Variants in LPP observed in about 807,000 individuals in gnomAD.
LPP encodes LIM domain containing preferred translocation partner in lipoma.
In LPP, 38 loss-of-function variants were observed where a neutral mutation model predicts 60.4. That is an observed-to-expected ratio of 0.63 (90% CI 0.49 to 0.83). The LOEUF is 0.83. Among genes scored for constraint, LPP ranks in the 40% least tolerant of loss-of-function variants. The probability of loss-of-function intolerance (pLI) is 0.00; values close to 1 mark genes in which losing one functional copy is unlikely to be tolerated. For missense variants in LPP, 902 were observed against 783.6 expected (o/e 1.15, Z -1.80); for synonymous variants, 328 against 290.8 (o/e 1.13, Z -1.30).
intron 6 of LPP, among the ~76,000 whole-genome samples, chr3:188,573,534 G>A (rs1049471809): frequency 9.2e-5 from 14 of 152,052 alleles, no homozygotes; most frequent in Non-Finnish European, 1.3e-4. Context: ...CCAGCGTTTC[G>A]GTAGATACTT....
intron 6 of LPP, among the ~76,000 whole-genome samples, chr3:188,558,500 C>T (rs2150625059): frequency 1.3e-5 from 2 of 151,880 alleles, no homozygotes; most frequent in South Asian, 2.1e-4. Context: ...GATTCAACTT[C>T]CTTGACAAGG....
At chr3:188,426,686 G>C (rs1789446994) in intron 4 of LPP, among the ~76,000 whole-genome samples, 1 of 152,036 alleles carries the variant, frequency 6.6e-6, no homozygotes, top group African/African-American at 2.4e-5. Context: ...TTGTTGCGTT[G>C]CTCCCTTTAC....
chr3:188,344,267 C>T (rs770974159), intron 3 of LPP, among the ~76,000 whole-genome samples: 5 of 152,154 alleles, frequency 3.3e-5, no homozygotes, highest in Admixed American at 6.5e-5. Context: ...TGGAAACAGT[C>T]CTAGTCTGCT....
chr3:188,261,607 A>G lies in LPP; in HGVS notation c.-67+36080A>G, dbSNP rs557039594. Reference sequence around the variant, plus strand: ...ATCATATATAGCTTCATGATGAAAAAAGGAAAAACAATTCTTGGGACCGGA... The same window carrying G: ...ATCATATATAGCTTCATGATGAAAAGAGGAAAAACAATTCTTGGGACCGGA... On this transcript the variant is annotated intron_variant, in intron 2 of 11. Coordinates refer to ENST00000617246, the MANE Select transcript of LPP (RefSeq NM_001375462.1). Among the ~76,000 whole-genome samples, 178 of 152,324 alleles carry G rather than the reference A, an allele frequency of 1.2e-3. 1 individual carries two copies. The highest frequency in any genetic ancestry group is 4.1e-3 in the African/African-American group (169 of 41,570).
At chr3:188,701,944 C>CTTTTTTTTTTTTTTTTTTTTTT (rs35803152) in intron 7 of LPP, among the ~76,000 whole-genome samples, 9 of 83,582 alleles carry the variant, frequency 1.1e-4, no homozygotes, top group East Asian at 4.1e-4. Flanking sequence ...GTTTTTTTCC[C>CTTTTTTTTTTTTTTTTTTTTTT]TTTTTTTTTT....
intron 1 of LPP, among the ~76,000 whole-genome samples, chr3:188,203,536 TAA>T (rs1353303214): frequency 4.1e-5 from 4 of 97,308 alleles, no homozygotes; most frequent in East Asian, 2.7e-4. Flanking sequence ...AATATATATT[TAA>T]ATATATATAT....
chr3:188,397,482 T>G (rs1015709733), intron 3 of LPP, among the ~76,000 whole-genome samples: 2 of 152,208 alleles, frequency 1.3e-5, no homozygotes, highest in Admixed American at 1.3e-4. Flanking sequence ...GTCCTTAACC[T>G]TCTCTCCTGA....
At chr3:188,424,672 C>T (rs1360176411) in intron 4 of LPP, among the ~76,000 whole-genome samples, 4 of 152,054 alleles carry the variant, frequency 2.6e-5, no homozygotes, top group Non-Finnish European at 4.4e-5. Flanking sequence ...ATTCACATCC[C>T]TTGTAAGTCG....
intron 9 of LPP, among the ~76,000 whole-genome samples, chr3:188,791,619 A>G (rs1272307074): frequency 2.0e-5 from 3 of 151,516 alleles, no homozygotes; most frequent in African/African-American, 4.9e-5. Context: ...TTGCACCATG[A>G]TTAGTCTATC....
intron 2 of LPP, among the ~76,000 whole-genome samples, chr3:188,264,730 C>T (rs546577865): frequency 3.9e-5 from 6 of 152,292 alleles, no homozygotes; most frequent in Admixed American, 1.3e-4. Flanking sequence ...TTGTCCTGGT[C>T]ACTTCCCCAC....
chr3:188,511,815 A>G (rs942881240), intron 5 of LPP, among the ~76,000 whole-genome samples: 4 of 152,220 alleles, frequency 2.6e-5, no homozygotes, highest in African/African-American at 7.2e-5. Flanking sequence ...TAATGGCCGT[A>G]CAGAGGGAGC....
At chr3:188,780,599 A>C (rs2150853670) in intron 9 of LPP, among the ~76,000 whole-genome samples, 1 of 152,188 alleles carries the variant, frequency 6.6e-6, no homozygotes, top group East Asian at 1.9e-4. Flanking sequence ...CCAGGTTTCT[A>C]CTCAGTCTGG....
chr3:188,308,012 C>G (rs369540839), intron 2 of LPP, among the ~76,000 whole-genome samples: 2 of 152,022 alleles, frequency 1.3e-5, no homozygotes, highest in African/African-American at 4.8e-5. Context: ...TGTTTGGACA[C>G]GATTTTTAGT....
intron 1 of LPP, among the ~76,000 whole-genome samples, chr3:188,201,025 T>A (rs1415395242): frequency 1.3e-5 from 2 of 152,240 alleles, no homozygotes; most frequent in African/African-American, 4.8e-5. Context: ...TTCTTATTTT[T>A]GACGACAGCA....
At chr3:188,328,987 T>G (rs1453885957) in intron 2 of LPP, among the ~76,000 whole-genome samples, 2 of 152,222 alleles carry the variant, frequency 1.3e-5, no homozygotes, top group African/African-American at 2.4e-5. Flanking sequence ...ACTCCCTTGA[T>G]TCACTTTAAG....
chr3:188,862,729 AAATAAAT>A lies in LPP; in HGVS notation c.1411-3468_1411-3462del, dbSNP rs1765530135. Among the ~76,000 whole-genome samples, 3 of 110,766 alleles carry A rather than the reference AAATAAAT, an allele frequency of 2.7e-5. 1 individual carries two copies. The highest frequency in any genetic ancestry group is 8.7e-5 in the Admixed American group (1 of 11,488). The allele number at this position is 110,766 out of a possible 152,430, so 72.7% of individuals were successfully genotyped here. A position where few individuals can be genotyped will look rare whatever the true frequency, so the allele number is the denominator to read the frequency against. Reference sequence around the variant, plus strand: ...CTACTAGACAAAAAAATAAATAAATAAATAAATAAAAGAAAAAAGAAAAGAAAGAAAG... The same window carrying A: ...CTACTAGACAAAAAAATAAATAAATAAAAAGAAAAAAGAAAAGAAAGAAAG... On this transcript the variant is annotated intron_variant, in intron 9 of 11. Transcript: ENST00000617246.
intron 7 of LPP, among the ~76,000 whole-genome samples, chr3:188,662,035 G>T (rs1203342065): frequency 6.6e-6 from 1 of 152,248 alleles, no homozygotes; most frequent in African/African-American, 2.4e-5. Flanking sequence ...ACCAGAAAGA[G>T]AGAGAAGAGA....
Position 188,874,345 on chromosome 3 carries a change from T to A in LPP, c.1711-6T>A. The A allele has an allele frequency of 6.2e-7, 1 of 1,613,066 alleles. No homozygotes were observed. Among genetic ancestry groups the A allele is most frequent in the Non-Finnish European group, 8.5e-7 (1 of 1,179,242 alleles). ...ATGTCGTTTCCATCTGTCTTTACTG[T>A]TCTAGGATTGCGGTGGTCTCCTGTC... On this transcript the variant is annotated splice_polypyrimidine_tract_variant and splice_region_variant and intron_variant, in intron 11 of 11. Transcript: ENST00000617246.
At chr3:188,379,352 G>A (rs951340491) in intron 3 of LPP, among the ~76,000 whole-genome samples, 7 of 152,122 alleles carry the variant, frequency 4.6e-5, no homozygotes, top group East Asian at 1.9e-4. Flanking sequence ...TACAACTTTC[G>A]AAGAGACTAG....
Sources: gnomAD v4.1 joint callset for allele counts (sites outside exome capture counted in the v4.1 genomes callset) on GRCh38, gnomAD v4.1.1 for gene constraint, MANE v1.5 for transcripts, NCBI Gene and HGNC (gene_info 2026-07-23, HGNC 2026-07-21) for gene names.